TSGA10IP: variants seen among roughly 807,000 people sequenced by gnomAD.
TSGA10IP encodes testis specific 10 interacting protein.
In TSGA10IP, 64 loss-of-function variants were observed where a neutral mutation model predicts 63.2. That is an observed-to-expected ratio of 1.01 (90% CI 0.83 to 1.25). The LOEUF is 1.25. TSGA10IP is among the 50% of genes most tolerant of loss of function. The probability of loss-of-function intolerance (pLI) is 0.00; values close to 1 mark genes in which losing one functional copy is unlikely to be tolerated. For synonymous variants in TSGA10IP, 316 were observed against 298.3 expected (o/e 1.06, Z -0.61); for missense variants, 681 against 710.1 (o/e 0.96, Z 0.47).
At chr11:65,949,576 C>A (rs607665) in intron 4 of TSGA10IP, among the ~76,000 whole-genome samples, 2,291 of 152,108 alleles carry the variant, frequency 0.015, 62 homozygotes, top group African/African-American at 0.052. Flanking sequence ...ACCACCACGC[C>A]TGGCTAATTT....
At chr11:65,948,978 C>T (rs76606145) in intron 4 of TSGA10IP, among the ~76,000 whole-genome samples, 2,925 of 151,182 alleles carry the variant, frequency 0.019, 93 homozygotes, top group African/African-American at 0.063. Flanking sequence ...CTGTCTCAAA[C>T]GAACAAACAA....
intron 7 of TSGA10IP, 72 bp downstream of exon 7, chr11:65,959,386 C>G: frequency 1.3e-6 from 2 of 1,564,988 alleles, no homozygotes; most frequent in Admixed American, 3.7e-5. Context: ...CACCAGCACT[C>G]TGGGCTCTGG....
At chr11:65,953,416 A>G in intron 4 of TSGA10IP, 151 bp from the exon 5 acceptor site, 1 of 1,074,852 alleles carries the variant, frequency 9.3e-7, no homozygotes, top group South Asian at 2.4e-5. Context: ...TCTGTCATGG[A>G]CTTCCATGAC....
chr11:65,959,530 G>C (rs1855080979), intron 7 of TSGA10IP, among the ~76,000 whole-genome samples: 1 of 152,182 alleles, frequency 6.6e-6, no homozygotes, highest in Non-Finnish European at 1.5e-5. Flanking sequence ...ACAAGCAGCA[G>C]AACCAGTCTG....
intron 4 of TSGA10IP, among the ~76,000 whole-genome samples, chr11:65,952,525 T>G (rs1424031140): frequency 6.6e-6 from 1 of 152,048 alleles, no homozygotes; most frequent in East Asian, 1.9e-4. Flanking sequence ...CATGGCTCAC[T>G]GCAGTCTTGA....
In TSGA10IP at chr11:65,945,712, CA is replaced by C; in HGVS notation, c.38del (p.Gln13ArgfsTer157). On this transcript the variant is annotated frameshift_variant, in exon 1 of 8. Transcript: ENST00000532620. LOFTEE classifies it high-confidence loss of function. ...CACCGATATGCTAAATACCTACCAA[CA>C]GTTGGTTAGGACCCCGTCGGTGCGA... 1.2e-6 allele frequency: 2 copies of C among 1,613,936 alleles called. No homozygotes were observed. Among genetic ancestry groups the C allele is most frequent in the East Asian group, 4.5e-5 (2 of 44,882 alleles).
chr11:65,945,867 G>T (rs760439725), intron 1 of TSGA10IP, 45 bp downstream of exon 1: 6 of 1,599,880 alleles, frequency 3.8e-6, no homozygotes, highest in Non-Finnish European at 5.1e-6. Flanking sequence ...CTAGAGCCAG[G>T]TGGGTCAGGG....
chr11:65,958,641 T>C (rs751602191), intron 5 of TSGA10IP, among the ~76,000 whole-genome samples: 12 of 152,194 alleles, frequency 7.9e-5, no homozygotes, highest in Non-Finnish European at 1.8e-4. Context: ...GGCCCCTCAC[T>C]TCCCAGCTGC....
intron 4 of TSGA10IP, among the ~76,000 whole-genome samples, chr11:65,950,993 G>A (rs986449357): frequency 1.3e-5 from 2 of 152,142 alleles, no homozygotes; most frequent in African/African-American, 4.8e-5. Flanking sequence ...ACTTAACATA[G>A]TGTCCTCCAG....
At chr11:65,947,681 G>A (rs1384745444) in exon 3 of TSGA10IP, 7 of 1,605,934 alleles carry the variant, frequency 4.4e-6, no homozygotes, top group Non-Finnish European at 6.0e-6. Flanking sequence ...CTCCGATGAG[G>A]GAGAAGTGCA....
chr11:65,956,810 T>C, intron 5 of TSGA10IP, among the ~76,000 whole-genome samples: 1 of 152,004 alleles, frequency 6.6e-6, no homozygotes, highest in East Asian at 1.9e-4. Flanking sequence ...ATTACAGGCG[T>C]GAGCCACCGC....
At chr11:65,951,512 G>T (rs1854940451) in intron 4 of TSGA10IP, among the ~76,000 whole-genome samples, 2 of 74,196 alleles carry the variant, frequency 2.7e-5, no homozygotes, top group Admixed American at 1.5e-4. Flanking sequence ...TGGGTTATTT[G>T]CTTATTTTAT....
chr11:65,945,625 T>C (rs768348332), exon 1 of TSGA10IP: 26 of 1,592,496 alleles, frequency 1.6e-5, no homozygotes, highest in East Asian at 4.5e-5. Flanking sequence ...CTGGTTGCCA[T>C]AGAGATGGCC....
chr11:65,959,096 C>T (rs570502065), intron 6 of TSGA10IP, 94 bp from the exon 7 acceptor site: 28 of 1,565,012 alleles, frequency 1.8e-5, no homozygotes, highest in South Asian at 9.3e-5. Flanking sequence ...GGCTGCTGCC[C>T]TCTGGAATCC....
Position 65,957,010 on chromosome 11 carries a change from C to T in TSGA10IP, c.1323-1873C>T, listed in dbSNP as rs111897305. 3.1e-3 allele frequency among the ~76,000 whole-genome samples: 475 copies of T among 152,320 alleles called. 9 individuals carry two copies. The highest frequency in any genetic ancestry group is 0.011 in the African/African-American group (452 of 41,574). Reference sequence around the variant, plus strand: ...CAGCCTATGAACTTCGCTGTCTGAGCGGAACAGGAGACTCTGTCCTGCCTA... The same window carrying T: ...CAGCCTATGAACTTCGCTGTCTGAGTGGAACAGGAGACTCTGTCCTGCCTA... On this transcript the variant is annotated intron_variant, in intron 5 of 7. Transcript: ENST00000532620.
At chr11:65,954,955 G>A (rs939364230) in intron 5 of TSGA10IP, among the ~76,000 whole-genome samples, 6 of 152,226 alleles carry the variant, frequency 3.9e-5, no homozygotes, top group African/African-American at 1.4e-4. Flanking sequence ...TGCAAAGGTG[G>A]ACCTGTGGTG....
chr11:65,958,612 C>T (rs57099342), intron 5 of TSGA10IP, among the ~76,000 whole-genome samples: 4,440 of 152,294 alleles, frequency 0.029, 226 homozygotes, highest in African/African-American at 0.1. Flanking sequence ...GATGGGCAAG[C>T]CCCAGCTGCA....
chr11:65,958,631 G>A lies in TSGA10IP; in HGVS notation c.1323-252G>A, dbSNP rs545966871. Among the ~76,000 whole-genome samples the A allele has an allele frequency of 2.6e-5, 4 of 152,288 alleles. No individual in the cohort carries two copies. In the East Asian group the frequency reaches 5.8e-4, roughly 22 times the overall value. On this transcript the variant is annotated intron_variant, in intron 5 of 7. Coordinates refer to ENST00000532620, the Ensembl canonical transcript of TSGA10IP. ...GGCAAGCCCCAGCTGCACAGGGCTC[G>A]GCCCCTCACTTCCCAGCTGCACAAC...
chr11:65,948,311 T>C lies in TSGA10IP; in HGVS notation c.1151+163T>C, dbSNP rs11227359. Among the ~76,000 whole-genome samples, 844 of 152,006 alleles carry C rather than the reference T, an allele frequency of 5.6e-3. 8 individuals are homozygous for C. The highest frequency in any genetic ancestry group is 0.019 in the African/African-American group (780 of 41,460). ...ATCCATCCATCCATCCATCCATCCATCCATCCACCCATCCATCCATCTATC... is the reference window on the plus strand; with the variant it reads ...ATCCATCCATCCATCCATCCATCCACCCATCCACCCATCCATCCATCTATC... On this transcript the variant is annotated intron_variant, in intron 4 of 7. Transcript: ENST00000532620.
Sources: allele counts gnomAD v4.1 joint callset (sites outside exome capture counted in the v4.1 genomes callset), GRCh38; gene constraint gnomAD v4.1.1; transcripts MANE v1.5; gene names NCBI Gene and HGNC (gene_info 2026-07-23, HGNC 2026-07-21).